The following COL26A1 variants were observed in gnomAD, a reference collection of about 807,000 sequenced individuals.
COL26A1 encodes the protein collagen type XXVI alpha 1 chain.
A neutral mutation model predicts 59.3 loss-of-function variants in COL26A1; 41 were observed. That is an observed-to-expected ratio of 0.69 (90% CI 0.54 to 0.90). The LOEUF is 0.90. Ranked by LOEUF, COL26A1 falls within the 40% of genes least tolerant of loss-of-function variation. The probability of loss-of-function intolerance (pLI) is 0.00; values close to 1 mark genes in which losing one functional copy is unlikely to be tolerated. For synonymous variants in COL26A1, 266 were observed against 256.0 expected (o/e 1.04, Z -0.37); for missense variants, 612 against 602.3 (o/e 1.02, Z -0.17).
Position 101,477,359 on chromosome 7 carries a change from C to T in COL26A1, c.385+29572C>T, listed in dbSNP as rs1004324664. 3.9e-5 allele frequency among the ~76,000 whole-genome samples: 6 copies of T among 152,036 alleles called. No individual in the cohort carries two copies. The East Asian group carries it at 5.8e-4, about 15-fold the overall frequency. On this transcript the variant is annotated intron_variant, in intron 3 of 12. Coordinates refer to ENST00000313669, the MANE Select transcript of COL26A1 (RefSeq NM_001278563.3). ...GTGTTTGTGTGTGTGCATTAGCATG[C>T]GGAGTGTGAGGTTTGTGTGTGTGCA...
At chr7:101,504,203 C>T (rs1027943784) in intron 3 of COL26A1, among the ~76,000 whole-genome samples, 1 of 152,156 alleles carries the variant, frequency 6.6e-6, no homozygotes, top group African/African-American at 2.4e-5. Context: ...TGGGTTCAAG[C>T]GACTCTCCTG....
chr7:101,542,739 C>A (rs1041662225), intron 5 of COL26A1, among the ~76,000 whole-genome samples: 2 of 152,080 alleles, frequency 1.3e-5, no homozygotes, highest in African/African-American at 2.4e-5. Context: ...CTGAAGGCTG[C>A]GGGAGGAGGG....
chr7:101,487,949 A>G (rs1794303165), intron 3 of COL26A1, among the ~76,000 whole-genome samples: 1 of 151,874 alleles, frequency 6.6e-6, no homozygotes, highest in East Asian at 1.9e-4. Context: ...TCAAACTACT[A>G]CAGTGTCTTT....
intron 1 of COL26A1, 28 bp downstream of exon 1, chr7:101,363,218 G>C: frequency 7.6e-7 from 1 of 1,320,590 alleles, no homozygotes; most frequent in African/African-American, 1.6e-5. Context: ...GAGGGGCCGG[G>C]GGGTGGGGGG....
intron 9 of COL26A1, among the ~76,000 whole-genome samples, chr7:101,549,885 C>G (rs964693685): frequency 1.3e-5 from 2 of 152,168 alleles, no homozygotes; most frequent in African/African-American, 4.8e-5. Flanking sequence ...TCACCTTGCC[C>G]TGAGAATTGC....
At chr7:101,431,295 C>G (rs1192667770) in intron 2 of COL26A1, among the ~76,000 whole-genome samples, 1 of 152,246 alleles carries the variant, frequency 6.6e-6, no homozygotes, top group East Asian at 1.9e-4. Flanking sequence ...TTCTTTTGCC[C>G]AGGCTGGAGT....
chr7:101,527,856 G>A (rs760412913), intron 3 of COL26A1, among the ~76,000 whole-genome samples: 3 of 152,078 alleles, frequency 2.0e-5, no homozygotes, highest in South Asian at 4.2e-4. Context: ...GAAAGTTAGC[G>A]ACCACATCGT....
At chr7:101,380,297 T>A in intron 1 of COL26A1, among the ~76,000 whole-genome samples, 1 of 150,050 alleles carries the variant, frequency 6.7e-6, no homozygotes, top group African/African-American at 2.4e-5. Context: ...GCTACATTTT[T>A]TTTTTTTTTT....
At chr7:101,417,967 C>T (rs572979970) in intron 1 of COL26A1, among the ~76,000 whole-genome samples, 8 of 152,066 alleles carry the variant, frequency 5.3e-5, no homozygotes, top group Non-Finnish European at 7.4e-5. Flanking sequence ...TCAGGTGATC[C>T]GCCCACTTTG....
chr7:101,523,194 C>T (rs1472404640), intron 3 of COL26A1, among the ~76,000 whole-genome samples: 2 of 151,990 alleles, frequency 1.3e-5, no homozygotes, highest in African/African-American at 2.4e-5. Flanking sequence ...CTCAGTCTCC[C>T]GAGTAGCTGG....
At chr7:101,471,313 C>T (rs570503791) in intron 3 of COL26A1, among the ~76,000 whole-genome samples, 7 of 152,228 alleles carry the variant, frequency 4.6e-5, no homozygotes, top group South Asian at 2.1e-4. Flanking sequence ...AGCCACATCA[C>T]GATACACCCT....
chr7:101,555,682 G>T lies in COL26A1; in HGVS notation c.1081-105G>T, dbSNP rs975573580. ...TGGTGAGGGTGTCGGGTGGGAAGAG[G>T]CAGGGGTGGGGGGCTTTGAGGACAC... On this transcript the variant is annotated intron_variant, in intron 11 of 12. Transcript: ENST00000313669. 5.6e-6 allele frequency: 4 copies of T among 719,060 alleles called. No individual in the cohort carries two copies. The Admixed American group carries it at 6.8e-5, about 12-fold the overall frequency. The allele number at this position is 719,060 out of a possible 1,614,324, so 44.5% of individuals were successfully genotyped here. A position where few individuals can be genotyped will look rare whatever the true frequency, so the allele number is the denominator to read the frequency against.
chr7:101,456,623 C>G lies in COL26A1; in HGVS notation c.385+8836C>G, dbSNP rs562189415. ...AGGTTATGGTGAGCCGAGATCACGC[C>G]ATTGCACTCCACCTCGGCAACAAGA... is the stretch of plus-strand genomic sequence containing the variant. On this transcript the variant is annotated intron_variant, in intron 3 of 12. Coordinates refer to ENST00000313669, the MANE Select transcript of COL26A1 (RefSeq NM_001278563.3). 7.1e-4 allele frequency among the ~76,000 whole-genome samples: 66 copies of G among 93,228 alleles called. 2 individuals are homozygous for G. The highest frequency in any genetic ancestry group is 1.5e-3 in the South Asian group (5 of 3,430). 61.2% of individuals were successfully genotyped at this position (93,228 alleles called of 152,430 possible). A position where few individuals can be genotyped will look rare whatever the true frequency, so the allele number is the denominator to read the frequency against.
chr7:101,394,651 G>A (rs1461968916), intron 1 of COL26A1, among the ~76,000 whole-genome samples: 1 of 132,940 alleles, frequency 7.5e-6, no homozygotes, highest in East Asian at 2.2e-4. Context: ...TTGAACTCCT[G>A]GGCTGAAGCG....
rs1438142152 is a variant in COL26A1 at position 101,545,487 on chromosome 7, G to C, written c.853G>C (p.Asp285His). The change falls in exon 7 of 13, where the codon GAC becomes CAC. Residue 285 changes from aspartate to histidine, a missense_variant. Asp to His is a moderately conservative substitution (Grantham distance 81). Coordinates refer to ENST00000313669, the MANE Select transcript of COL26A1 (RefSeq NM_001278563.3). ...LYSLQPPTDK[D>H]NGDSRLASAI... Reference sequence around the variant, plus strand: ...CTCCCTGCAGCCGCCTACAGACAAAGACAGTGAGTAATGCCCCTGGGGGGC... The same window carrying C: ...CTCCCTGCAGCCGCCTACAGACAAACACAGTGAGTAATGCCCCTGGGGGGC... 1.2e-6 allele frequency: 2 copies of C among 1,604,144 alleles called. No homozygotes were observed. The highest frequency in any genetic ancestry group is 1.7e-6 in the Non-Finnish European group (2 of 1,176,530).
At chr7:101,545,260 C>T in intron 6 of COL26A1, 78 bp from the exon 7 acceptor site, 1 of 1,370,510 alleles carries the variant, frequency 7.3e-7, no homozygotes, top group Non-Finnish European at 9.8e-7. Context: ...CTTTCAAGGC[C>T]TCAGTTTCCC....
chr7:101,392,182 G>A (rs1025446985), intron 1 of COL26A1, among the ~76,000 whole-genome samples: 2 of 152,076 alleles, frequency 1.3e-5, no homozygotes, highest in African/African-American at 4.8e-5. Context: ...GACGGGGCTG[G>A]GCCGTGAGGG....
At chr7:101,539,286 GTGTGTGTA>G (rs1188129514) in intron 4 of COL26A1, among the ~76,000 whole-genome samples, 20 of 128,602 alleles carry the variant, frequency 1.6e-4, no homozygotes, top group African/African-American at 6.4e-4. Flanking sequence ...GTCTGTGTGT[GTGTGTGTA>G]TGTGTGTGTG....
intron 3 of COL26A1, among the ~76,000 whole-genome samples, chr7:101,476,549 A>AC (rs1294692643): frequency 7.0e-5 from 9 of 128,306 alleles, no homozygotes; most frequent in Middle Eastern, 4.2e-3. Flanking sequence ...TTACTTGGTT[A>AC]CTTTTTTTTT....
Sources: gnomAD v4.1 joint callset for allele counts (sites outside exome capture counted in the v4.1 genomes callset) on GRCh38, gnomAD v4.1.1 for gene constraint, MANE v1.5 for transcripts, NCBI Gene and HGNC (gene_info 2026-07-23, HGNC 2026-07-21) for gene names.